AHCYL2: variants seen among roughly 807,000 people sequenced by gnomAD.
AHCYL2 encodes the protein S-adenosylhomocysteine hydrolase-like protein 2.
Under a neutral mutation model 81.4 loss-of-function variants are expected in AHCYL2, and 28 were observed. The ratio of observed to expected loss-of-function variants is 0.34; its 90% confidence interval spans 0.25 to 0.47. The LOEUF (loss-of-function observed/expected upper bound fraction) is 0.47, where lower values mean the gene tolerates loss of function less well. AHCYL2 is among the 20% of genes least tolerant of loss of function. The pLI, the probability that AHCYL2 is intolerant of heterozygous loss-of-function variation, is 1.00. For missense variants in AHCYL2, 551 were observed against 785.1 expected, an observed-to-expected ratio of 0.70 and a Z score of 3.56; for synonymous variants, 272 against 290.2, an observed-to-expected ratio of 0.94 and a Z score of 0.64.
At chr7:129,294,561 A>T (rs549746667) in intron 1 of AHCYL2, among the ~76,000 whole-genome samples, 49 of 152,294 alleles carry the variant, frequency 3.2e-4, no homozygotes, top group African/African-American at 1.1e-3. Flanking sequence ...TAAGTCACAC[A>T]CCTTAAGTGG....
In AHCYL2 at chr7:129,405,112, C is replaced by G; in HGVS notation, c.1041C>G (p.Ser347=). Residue 347 remains serine, a synonymous_variant, in exon 8 of 17, where the codon TCC becomes TCG. Transcript: ENST00000325006. ...TCATCCTCAGGCTGTACCAACTGTC[C>G]AAAGCTGGGAAGCTGTGTGTTCCAG... ...VTGVHRLYQL[S]KAGKLCVPAM... 6.2e-7 allele frequency: 1 copy of G among 1,604,520 alleles called. No homozygotes were observed. The highest frequency in any genetic ancestry group is 8.5e-7 in the Non-Finnish European group (1 of 1,175,916).
chr7:129,316,840 A>G (rs927483608), intron 1 of AHCYL2, among the ~76,000 whole-genome samples: 8 of 152,064 alleles, frequency 5.3e-5, no homozygotes, highest in African/African-American at 1.4e-4. Flanking sequence ...AACAACAACA[A>G]CAGATGAAAT....
chr7:129,350,714 CTTTT>C (rs56115169), intron 1 of AHCYL2, among the ~76,000 whole-genome samples: 1 of 122,138 alleles, frequency 8.2e-6, no homozygotes, highest in Non-Finnish European at 1.7e-5. Context: ...TTCTTTCTTT[CTTTT>C]TTTTTTTTTT....
intron 1 of AHCYL2, among the ~76,000 whole-genome samples, chr7:129,289,910 G>A (rs888255639): frequency 2.0e-5 from 3 of 151,846 alleles, no homozygotes; most frequent in Non-Finnish European, 2.9e-5. Context: ...AGTCTCCTGA[G>A]TAGCTGGGAT....
At chr7:129,275,802 A>C (rs910167997) in intron 1 of AHCYL2, among the ~76,000 whole-genome samples, 1 of 152,204 alleles carries the variant, frequency 6.6e-6, no homozygotes, top group African/African-American at 2.4e-5. Context: ...GGAAAAATTT[A>C]ACATGTCTTT....
At chr7:129,342,547 A>G (rs1477285391) in intron 1 of AHCYL2, among the ~76,000 whole-genome samples, 2 of 152,206 alleles carry the variant, frequency 1.3e-5, no homozygotes, top group Non-Finnish European at 2.9e-5. Flanking sequence ...GAATGCGGCT[A>G]TGTAGCTTTG....
chr7:129,395,899 T>C (rs536663785), intron 4 of AHCYL2, among the ~76,000 whole-genome samples: 1 of 152,174 alleles, frequency 6.6e-6, no homozygotes, highest in Non-Finnish European at 1.5e-5. Context: ...TGATATTTTC[T>C]TATTCTTATC....
chr7:129,403,008 G>A (rs1266189512), intron 6 of AHCYL2, among the ~76,000 whole-genome samples: 2 of 151,888 alleles, frequency 1.3e-5, no homozygotes, highest in Non-Finnish European at 2.9e-5. Flanking sequence ...TATATTTAAA[G>A]TCCCTTTAGG....
intron 2 of AHCYL2, 53 bp downstream of exon 2, chr7:129,379,802 C>A: frequency 7.2e-7 from 1 of 1,385,056 alleles, no homozygotes; most frequent in Non-Finnish European, 1.0e-6. Context: ...AGTACGATCT[C>A]AATGGGCCCT....
intron 11 of AHCYL2, among the ~76,000 whole-genome samples, chr7:129,411,895 A>G (rs934732637): frequency 6.6e-6 from 1 of 152,140 alleles, no homozygotes; most frequent in African/African-American, 2.4e-5. Context: ...TTATTTACCC[A>G]TTCATTAACT....
intron 1 of AHCYL2, among the ~76,000 whole-genome samples, chr7:129,254,853 T>C (rs1178799508): frequency 1.3e-5 from 2 of 152,170 alleles, no homozygotes; most frequent in African/African-American, 2.4e-5. Flanking sequence ...TTCTGAGGTT[T>C]GAGAAAAAGT....
At chr7:129,336,818 C>G (rs1306154710) in intron 1 of AHCYL2, among the ~76,000 whole-genome samples, 1 of 152,152 alleles carries the variant, frequency 6.6e-6, no homozygotes, top group Non-Finnish European at 1.5e-5. Flanking sequence ...ACGATCACAG[C>G]TCACTGTAGC....
At chr7:129,269,402 C>T (rs905507975) in intron 1 of AHCYL2, among the ~76,000 whole-genome samples, 2 of 152,042 alleles carry the variant, frequency 1.3e-5, no homozygotes, top group Admixed American at 6.6e-5. Context: ...TCTCCTGCCT[C>T]ACCCTCCTGG....
chr7:129,291,185 A>T (rs922956553), intron 1 of AHCYL2, among the ~76,000 whole-genome samples: 3 of 152,102 alleles, frequency 2.0e-5, no homozygotes, highest in African/African-American at 4.8e-5. Flanking sequence ...TATGACAGAC[A>T]TGTTCCCCAT....
At chr7:129,296,077 A>G (rs910584676) in intron 1 of AHCYL2, among the ~76,000 whole-genome samples, 8 of 152,210 alleles carry the variant, frequency 5.3e-5, no homozygotes, top group African/African-American at 1.9e-4. Context: ...TCCCCATTCC[A>G]GTATGTGTTA....
At chr7:129,407,197 TTTAAA>T in intron 10 of AHCYL2, among the ~76,000 whole-genome samples, 1 of 152,092 alleles carries the variant, frequency 6.6e-6, no homozygotes, top group East Asian at 1.9e-4. Context: ...AAATAATTTT[TTTAAA>T]TTAGCTGGGT....
chr7:129,316,713 A>G (rs1563193576), intron 1 of AHCYL2, among the ~76,000 whole-genome samples: 2 of 152,210 alleles, frequency 1.3e-5, no homozygotes, highest in African/African-American at 4.8e-5. Flanking sequence ...TGGCCATTAT[A>G]TGCTTTATGC....
At chr7:129,256,726 T>G (rs977464538) in intron 1 of AHCYL2, among the ~76,000 whole-genome samples, 1 of 152,106 alleles carries the variant, frequency 6.6e-6, no homozygotes, top group Non-Finnish European at 1.5e-5. Context: ...TTTGGGTATA[T>G]CTGTTGAACA....
intron 1 of AHCYL2, among the ~76,000 whole-genome samples, chr7:129,312,094 T>C (rs1030439793): frequency 6.6e-6 from 1 of 152,162 alleles, no homozygotes; most frequent in African/African-American, 2.4e-5. Context: ...GCTCAGGCAG[T>C]CCTCCCACCT....
Sources: allele counts gnomAD v4.1 joint callset (sites outside exome capture counted in the v4.1 genomes callset), GRCh38; gene constraint gnomAD v4.1.1; transcripts MANE v1.5; gene names NCBI Gene and HGNC (gene_info 2026-07-23, HGNC 2026-07-21).